The following ELAPOR2 variants were observed in gnomAD, a reference collection of about 807,000 sequenced individuals.
ELAPOR2 encodes the protein endosome/lysosome-associated apoptosis and autophagy regulator family member 2.
A neutral mutation model predicts 120.7 loss-of-function variants in ELAPOR2; 89 were observed. The observed-to-expected ratio is 0.74, with a 90% CI of 0.62 to 0.88. The LOEUF is 0.88. ELAPOR2 is among the 40% of genes least tolerant of loss of function. The pLI, the probability that ELAPOR2 is intolerant of heterozygous loss-of-function variation, is 0.00. For missense variants in ELAPOR2, 1,134 were observed against 1,251.6 expected, an observed-to-expected ratio of 0.91 and a Z score of 1.42; for synonymous variants, 444 against 444.9, an observed-to-expected ratio of 1.00 and a Z score of 0.03.
At chr7:86,964,848 T>C (rs1791846527) in intron 2 of ELAPOR2, 56 bp downstream of exon 2, 3 of 1,534,820 alleles carry the variant, frequency 2.0e-6, no homozygotes, top group Non-Finnish European at 2.6e-6. Flanking sequence ...CTAGGGCTAA[T>C]ATGAAGAGGT....
chr7:86,985,201 T>C (rs932345490), intron 1 of ELAPOR2, among the ~76,000 whole-genome samples: 4 of 152,196 alleles, frequency 2.6e-5, no homozygotes, highest in Admixed American at 2.0e-4. Context: ...CAATAATTAA[T>C]GGCCTACCAA....
At chr7:87,050,803 GTGAGAAGTTC>G (rs765625488) in intron 1 of ELAPOR2, among the ~76,000 whole-genome samples, 11 of 152,208 alleles carry the variant, frequency 7.2e-5, no homozygotes, top group Non-Finnish European at 1.6e-4. Flanking sequence ...TACAGGAGAA[GTGAGAAGTTC>G]TGATTCAGCT....
chr7:86,877,768 A>C lies in ELAPOR2; in HGVS notation c.*2703T>G, dbSNP rs1475493491. 6.6e-6 allele frequency: 1 copy of C among 152,136 alleles called. No individual in the cohort carries two copies. The highest frequency in any genetic ancestry group is 1.5e-5 in the Non-Finnish European group (1 of 68,024). The allele number at this position is 152,136 out of a possible 1,614,324, so 9.4% of individuals were successfully genotyped here. A position where few individuals can be genotyped will look rare whatever the true frequency, so the allele number is the denominator to read the frequency against. On this transcript the variant is annotated 3_prime_UTR_variant, in exon 22 of 22. Coordinates refer to ENST00000450689, the MANE Select transcript of ELAPOR2 (RefSeq NM_001142749.3). ...ATTCTTCCACATAATCAATTTAAACAACCTTTTTTCTTTGGGAAGAAAATA... is the reference window on the plus strand; with the variant it reads ...ATTCTTCCACATAATCAATTTAAACCACCTTTTTTCTTTGGGAAGAAAATA...
chr7:87,034,824 T>C (rs1400117471), intron 1 of ELAPOR2, among the ~76,000 whole-genome samples: 1 of 152,186 alleles, frequency 6.6e-6, no homozygotes, highest in Non-Finnish European at 1.5e-5. Context: ...GGCTCACGAC[T>C]GTAATCCAAG....
chr7:86,914,464 T>C (rs1789466799), intron 13 of ELAPOR2, among the ~76,000 whole-genome samples: 1 of 152,188 alleles, frequency 6.6e-6, no homozygotes, highest in African/African-American at 2.4e-5. Flanking sequence ...ATTTTCCTTC[T>C]CATAAGTTTC....
chr7:87,045,390 A>T (rs974196797), intron 1 of ELAPOR2, among the ~76,000 whole-genome samples: 28 of 150,726 alleles, frequency 1.9e-4, no homozygotes, highest in African/African-American at 6.2e-4. Context: ...TGGATTAAGA[A>T]AATGTGGCAC....
At chr7:86,933,548 G>GT (rs1790425969) in intron 8 of ELAPOR2, among the ~76,000 whole-genome samples, 1 of 151,904 alleles carries the variant, frequency 6.6e-6, no homozygotes, top group Non-Finnish European at 1.5e-5. Context: ...ACTCCCACCA[G>GT]TGCCATGACA....
chr7:87,049,116 T>C (rs1795031075), intron 1 of ELAPOR2, among the ~76,000 whole-genome samples: 1 of 152,182 alleles, frequency 6.6e-6, no homozygotes, highest in Non-Finnish European at 1.5e-5. Context: ...AGGGATATAG[T>C]AGTGTCTTGT....
chr7:86,905,162 GAGAAAGAA>G (rs201644275), intron 18 of ELAPOR2, among the ~76,000 whole-genome samples: 1 of 149,106 alleles, frequency 6.7e-6, no homozygotes, highest in Non-Finnish European at 1.5e-5. Context: ...GAGAGAAAGA[GAGAAAGAA>G]AGAAAGAGAG....
intron 1 of ELAPOR2, among the ~76,000 whole-genome samples, chr7:87,047,798 T>C (rs1794996195): frequency 6.6e-6 from 1 of 152,186 alleles, no homozygotes; most frequent in Non-Finnish European, 1.5e-5. Context: ...AGCTACCACA[T>C]AAACCAGCAA....
At chr7:87,003,001 G>C (rs1036420441) in intron 1 of ELAPOR2, among the ~76,000 whole-genome samples, 4 of 152,064 alleles carry the variant, frequency 2.6e-5, no homozygotes, top group Non-Finnish European at 5.9e-5. Flanking sequence ...GGAGGAAGAA[G>C]GTAATGACTA....
intron 19 of ELAPOR2, among the ~76,000 whole-genome samples, chr7:86,895,157 AT>A (rs766087772): frequency 6.6e-6 from 1 of 152,044 alleles, no homozygotes; most frequent in Non-Finnish European, 1.5e-5. Context: ...TGCAATAACT[AT>A]TTTTCTTCTA....
At chr7:86,923,230 T>C (rs1271216269) in intron 10 of ELAPOR2, among the ~76,000 whole-genome samples, 2 of 151,962 alleles carry the variant, frequency 1.3e-5, no homozygotes, top group East Asian at 3.9e-4. Context: ...TAGTGTTCAA[T>C]ATACAGTAGG....
chr7:86,916,638 G>A (rs2116136830), intron 12 of ELAPOR2, among the ~76,000 whole-genome samples: 1 of 152,286 alleles, frequency 6.6e-6, no homozygotes, highest in South Asian at 2.1e-4. Context: ...TGACCACAGA[G>A]TTTCTTATTC....
chr7:86,935,422 T>C (rs1790520908), intron 8 of ELAPOR2, among the ~76,000 whole-genome samples: 1 of 152,078 alleles, frequency 6.6e-6, no homozygotes, highest in African/African-American at 2.4e-5. Context: ...GACTGAGGCC[T>C]TCCCAGACTG....
intron 2 of ELAPOR2, among the ~76,000 whole-genome samples, chr7:86,954,515 G>A (rs1392296854): frequency 2.0e-5 from 3 of 152,054 alleles, no homozygotes; most frequent in Non-Finnish European, 4.4e-5. Flanking sequence ...GCAATAGTAA[G>A]TAATAATAAA....
intron 12 of ELAPOR2, among the ~76,000 whole-genome samples, chr7:86,915,835 C>T (rs896961388): frequency 6.6e-6 from 1 of 151,552 alleles, no homozygotes; most frequent in Non-Finnish European, 1.5e-5. Flanking sequence ...ATAGGAATAA[C>T]AGAAAATGCT....
intron 1 of ELAPOR2, among the ~76,000 whole-genome samples, chr7:86,998,643 CA>C (rs934258076): frequency 3.3e-5 from 5 of 152,150 alleles, no homozygotes; most frequent in African/African-American, 1.2e-4. Context: ...CCGGTCATGA[CA>C]ATGAAAAATG....
intron 21 of ELAPOR2, among the ~76,000 whole-genome samples, chr7:86,886,370 C>G (rs891242075): frequency 4.0e-5 from 6 of 151,844 alleles, no homozygotes; most frequent in African/African-American, 1.5e-4. Context: ...TAAAAGCTGT[C>G]CAGAAAGCTG....
Sources: allele counts gnomAD v4.1 joint callset (sites outside exome capture counted in the v4.1 genomes callset), GRCh38; gene constraint gnomAD v4.1.1; transcripts MANE v1.5; gene names NCBI Gene and HGNC (gene_info 2026-07-23, HGNC 2026-07-21).